Variants in WWP1 observed in about 807,000 individuals in gnomAD.
WWP1 encodes NEDD4-like E3 ubiquitin-protein ligase WWP1.
WWP1 carries 49 observed loss-of-function variants against 130.6 expected under a neutral mutation model. That is an observed-to-expected ratio of 0.38 (90% CI 0.30 to 0.48). WWP1 has a LOEUF of 0.48. Ranked by LOEUF, WWP1 falls within the 20% of genes least tolerant of loss-of-function variation. The probability of loss-of-function intolerance (pLI) is 0.99; values close to 1 mark genes in which losing one functional copy is unlikely to be tolerated. For synonymous variants in WWP1, 332 were observed against 367.8 expected, an observed-to-expected ratio of 0.90 and a Z score of 1.11; for missense variants, 809 against 1,100.6, an observed-to-expected ratio of 0.74 and a Z score of 3.75.
intron 9 of WWP1, among the ~76,000 whole-genome samples, chr8:86,412,825 A>G (rs1372946214): frequency 6.7e-6 from 1 of 150,210 alleles, no homozygotes; most frequent in East Asian, 2.0e-4. Flanking sequence ...TAGATCTAGC[A>G]CTCTCCATTA....
chr8:86,402,648 C>G (rs1021541681), intron 8 of WWP1, among the ~76,000 whole-genome samples: 4 of 152,110 alleles, frequency 2.6e-5, no homozygotes, highest in Non-Finnish European at 5.9e-5. Flanking sequence ...ATTACAATGC[C>G]TGAAATTTTT....
intron 21 of WWP1, among the ~76,000 whole-genome samples, chr8:86,457,636 C>T (rs919365392): frequency 2.0e-5 from 3 of 151,888 alleles, no homozygotes; most frequent in South Asian, 2.1e-4. Flanking sequence ...TATATACATA[C>T]GGTAAAGGAT....
Position 86,415,379 on chromosome 8 carries a change from C to T in WWP1, c.1061+3505C>T, listed in dbSNP as rs552797810. The stretch of plus-strand genomic sequence containing the variant: ...CTTCCCACTAGATTTTACAATTGAC[C>T]CTTTATTGTGCTTGCCTTATCTCAT... On this transcript the variant is annotated intron_variant, in intron 9 of 24. Coordinates refer to ENST00000517970, the MANE Select transcript of WWP1 (RefSeq NM_007013.4). 8.5e-4 allele frequency among the ~76,000 whole-genome samples: 129 copies of T among 152,164 alleles called. 1 individual carries two copies. The Middle Eastern group carries it at 0.014, about 16-fold the overall frequency.
intron 1 of WWP1, among the ~76,000 whole-genome samples, chr8:86,352,039 C>CTTTTTT (rs770047019): frequency 1.6e-5 from 2 of 125,194 alleles, no homozygotes; most frequent in African/African-American, 3.0e-5. Flanking sequence ...TAAAATATTC[C>CTTTTTT]TTTTTTTTTT....
In WWP1 at chr8:86,432,921, T is replaced by C. The variant is rs570842976; in HGVS notation, c.1601+1178T>C. The stretch of plus-strand genomic sequence containing the variant: ...TCACACCCAGCCCACAGTTCATTTT[T>C]ATTGCTCCCCTTTACAGGAAAGCTA... On this transcript the variant is annotated intron_variant, in intron 14 of 24. Transcript: ENST00000517970. 7.4e-4 allele frequency among the ~76,000 whole-genome samples: 113 copies of C among 152,372 alleles called. 1 individual carries two copies. The South Asian group carries it at 0.011, about 14-fold the overall frequency.
At chr8:86,372,882 G>C (rs1824407335) in intron 2 of WWP1, among the ~76,000 whole-genome samples, 1 of 151,938 alleles carries the variant, frequency 6.6e-6, no homozygotes, top group African/African-American at 2.4e-5. Context: ...ATTAGTTTCT[G>C]CTCTTTATTA....
At chr8:86,451,458 CTT>C (rs1811175976) in intron 20 of WWP1, among the ~76,000 whole-genome samples, 1 of 151,954 alleles carries the variant, frequency 6.6e-6, no homozygotes, top group African/African-American at 2.4e-5. Flanking sequence ...AAGGTGTACT[CTT>C]ATAATGAGTG....
At chr8:86,353,906 A>G (rs548240324) in intron 1 of WWP1, among the ~76,000 whole-genome samples, 18 of 152,352 alleles carry the variant, frequency 1.2e-4, no homozygotes, top group African/African-American at 4.3e-4. Context: ...TTACAAGTGA[A>G]TACCGAACAG....
At chr8:86,399,682 A>G (rs1226528481) in intron 7 of WWP1, among the ~76,000 whole-genome samples, 1 of 152,210 alleles carries the variant, frequency 6.6e-6, no homozygotes, top group Non-Finnish European at 1.5e-5. Context: ...TGGATAGAGG[A>G]GCTTGAATTA....
intron 3 of WWP1, among the ~76,000 whole-genome samples, chr8:86,377,252 ATTT>A (rs35139758): frequency 9.4e-5 from 13 of 138,862 alleles, no homozygotes; most frequent in Admixed American, 1.4e-4. Context: ...TTCCTGTCTA[ATTT>A]TTTTTTTTTT....
At chr8:86,390,659 G>C (rs1044467826) in intron 5 of WWP1, among the ~76,000 whole-genome samples, 1 of 151,600 alleles carries the variant, frequency 6.6e-6, no homozygotes, top group African/African-American at 2.4e-5. Flanking sequence ...GTCCAGCCTC[G>C]GCTCAGCATC....
At chr8:86,351,237 A>G (rs1822898622) in intron 1 of WWP1, among the ~76,000 whole-genome samples, 1 of 152,242 alleles carries the variant, frequency 6.6e-6, no homozygotes, top group African/African-American at 2.4e-5. Context: ...TATGAAGTTG[A>G]AAATTCAAAC....
At chr8:86,394,293 C>T (rs1807523964) in intron 5 of WWP1, among the ~76,000 whole-genome samples, 1 of 152,194 alleles carries the variant, frequency 6.6e-6, no homozygotes, top group Non-Finnish European at 1.5e-5. Flanking sequence ...TCTCAAATTG[C>T]TGTATTAACA....
At chr8:86,400,872 G>A (rs1310853141) in intron 7 of WWP1, among the ~76,000 whole-genome samples, 1 of 152,158 alleles carries the variant, frequency 6.6e-6, no homozygotes. Context: ...AACCAGGAGA[G>A]TGACGTGATG....
At chr8:86,404,090 T>A (rs1808147798) in intron 8 of WWP1, among the ~76,000 whole-genome samples, 1 of 152,210 alleles carries the variant, frequency 6.6e-6, no homozygotes, top group African/African-American at 2.4e-5. Context: ...AATCTGAAAC[T>A]GTTTGAGCAT....
chr8:86,423,429 A>G (rs1809346637), intron 9 of WWP1, among the ~76,000 whole-genome samples: 1 of 152,118 alleles, frequency 6.6e-6, no homozygotes, highest in Non-Finnish European at 1.5e-5. Context: ...GATGACTCTT[A>G]AGGAGTATGC....
intron 9 of WWP1, among the ~76,000 whole-genome samples, chr8:86,422,539 T>C (rs937030699): frequency 1.3e-5 from 2 of 151,504 alleles, no homozygotes; most frequent in African/African-American, 2.4e-5. Flanking sequence ...TTTTTTTTTT[T>C]CTTTGGGATT....
At chr8:86,452,148 CTTGGTGTAAGAAGAG>C (rs1563546344) in intron 20 of WWP1, among the ~76,000 whole-genome samples, 1 of 151,964 alleles carries the variant, frequency 6.6e-6, no homozygotes, top group Non-Finnish European at 1.5e-5. Flanking sequence ...CACGGCAATG[CTTGGTGTAAGAAGAG>C]CCTGTTAAAT....
intron 1 of WWP1, among the ~76,000 whole-genome samples, chr8:86,364,106 T>G (rs1823824897): frequency 6.6e-6 from 1 of 152,170 alleles, no homozygotes; most frequent in Non-Finnish European, 1.5e-5. Context: ...ATAGATGGAA[T>G]TTAAAGTACT....
Sources: allele counts gnomAD v4.1 joint callset (sites outside exome capture counted in the v4.1 genomes callset), GRCh38; gene constraint gnomAD v4.1.1; transcripts MANE v1.5; gene names NCBI Gene and HGNC (gene_info 2026-07-23, HGNC 2026-07-21).